MED12L: variants seen among roughly 807,000 people sequenced by gnomAD.
MED12L encodes mediator complex subunit 12L.
A neutral mutation model predicts 281.3 loss-of-function variants in MED12L; 60 were observed. The ratio of observed to expected loss-of-function variants is 0.21; its 90% CI spans 0.17 to 0.26. The LOEUF is 0.26. MED12L is among the 10% of genes least tolerant of loss of function. MED12L has a pLI of 1.00. For synonymous variants in MED12L, 974 were observed against 987.2 expected, an observed-to-expected ratio of 0.99 and a Z score of 0.25; for missense variants, 2,146 against 2,680.9, an observed-to-expected ratio of 0.80 and a Z score of 4.41.
At chr3:151,293,604 CA>C in intron 16 of MED12L, among the ~76,000 whole-genome samples, 2 of 81,958 alleles carry the variant, frequency 2.4e-5, no homozygotes, top group African/African-American at 7.3e-5. Flanking sequence ...CACACACACA[CA>C]CACACACACA....
At chr3:151,117,856 C>T (rs554242431) in intron 3 of MED12L, among the ~76,000 whole-genome samples, 4 of 151,878 alleles carry the variant, frequency 2.6e-5, no homozygotes, top group South Asian at 4.2e-4. Context: ...TTGGGGAGGC[C>T]GAGGCAGGAG....
In MED12L at chr3:151,417,487, C is replaced by CTT. The variant is rs56128844; in HGVS notation, c.6408+1083_6408+1084dup. 8.4e-3 allele frequency among the ~76,000 whole-genome samples: 660 copies of CTT among 78,806 alleles called. 17 individuals carry two copies. Among genetic ancestry groups the CTT allele is most frequent in the African/African-American group, 0.013 (254 of 19,846 alleles). 51.7% of individuals were successfully genotyped at this position (78,806 alleles called of 152,430 possible). A position where few individuals can be genotyped will look rare whatever the true frequency, so the allele number is the denominator to read the frequency against. On this transcript the variant is annotated intron_variant, in intron 43 of 44. Coordinates refer to ENST00000687756, the MANE Select transcript of MED12L (RefSeq NM_001393769.1). ...TCCGCTCCCCCAGCTCCCCCCCCGC[C>CTT]TTTTTTTTTTTTTTTTTTTGAGACG...
intron 43 of MED12L, among the ~76,000 whole-genome samples, chr3:151,429,263 A>G (rs1049286882): frequency 5.3e-5 from 8 of 152,204 alleles, no homozygotes; most frequent in Admixed American, 2.6e-4. Context: ...CCTATGCTCC[A>G]GTCTCCTGGG....
intron 16 of MED12L, chr3:151,294,290 C>G: frequency 6.2e-7 from 1 of 1,613,982 alleles, no homozygotes; most frequent in Non-Finnish European, 8.5e-7. Context: ...TGAAAATGAC[C>G]TACACATGAA....
At chr3:151,420,190 C>T (rs1560146919) in intron 43 of MED12L, among the ~76,000 whole-genome samples, 1 of 152,094 alleles carries the variant, frequency 6.6e-6, no homozygotes, top group Non-Finnish European at 1.5e-5. Flanking sequence ...TAATGGATCT[C>T]GTGTATTCCA....
chr3:151,272,189 G>A (rs1741075176), intron 16 of MED12L, among the ~76,000 whole-genome samples: 1 of 152,210 alleles, frequency 6.6e-6, no homozygotes, highest in South Asian at 2.1e-4. Flanking sequence ...AGGCTTTCTG[G>A]ACAATAGATG....
chr3:151,417,487 C>CTCTTTT (rs1717742249), intron 43 of MED12L, among the ~76,000 whole-genome samples: 1 of 78,818 alleles, frequency 1.3e-5, no homozygotes, highest in African/African-American at 5.0e-5. Flanking sequence ...CCCCCCCCGC[C>CTCTTTT]TTTTTTTTTT....
chr3:151,361,223 GTTTACT>G (rs1246085687), intron 21 of MED12L, among the ~76,000 whole-genome samples: 1 of 152,004 alleles, frequency 6.6e-6, no homozygotes, highest in Non-Finnish European at 1.5e-5. Context: ...TTCAGACTGT[GTTTACT>G]TTTCCTCTTT....
intron 18 of MED12L, 55 bp downstream of exon 18, chr3:151,355,294 ATTT>A (rs1753770453): frequency 8.0e-7 from 1 of 1,250,986 alleles, no homozygotes; most frequent in African/African-American, 1.5e-5. Context: ...TTACTTAAAA[ATTT>A]TTTTCATGCA....
At chr3:151,229,938 C>T (rs1305432579) in intron 16 of MED12L, among the ~76,000 whole-genome samples, 4 of 151,928 alleles carry the variant, frequency 2.6e-5, no homozygotes, top group Non-Finnish European at 5.9e-5. Flanking sequence ...TTTTATGAGT[C>T]CTAGGCTCAC....
At chr3:151,187,354 C>G (rs1388002464) in intron 12 of MED12L, among the ~76,000 whole-genome samples, 1 of 152,110 alleles carries the variant, frequency 6.6e-6, no homozygotes. Flanking sequence ...CATACACATT[C>G]CACTTTTAGA....
intron 18 of MED12L, 33 bp downstream of exon 18, chr3:151,355,272 C>T (rs1237072433): frequency 2.7e-6 from 4 of 1,464,098 alleles, no homozygotes; most frequent in Non-Finnish European, 3.8e-6. Flanking sequence ...TATGCATTTG[C>T]AGTATTCTAA....
At chr3:151,376,968 A>G (rs1756931976) in intron 29 of MED12L, 23 bp from the exon 30 acceptor site, 1 of 1,611,694 alleles carries the variant, frequency 6.2e-7, no homozygotes, top group Admixed American at 1.7e-5. Context: ...CATATGTGCC[A>G]GTATTCTTAT....
intron 16 of MED12L, among the ~76,000 whole-genome samples, chr3:151,276,478 C>T (rs527929390): frequency 1.3e-5 from 2 of 152,304 alleles, no homozygotes; most frequent in African/African-American, 4.8e-5. Flanking sequence ...GTCAGCCTAC[C>T]TCCTGGACTG....
At chr3:151,209,511 G>A (rs1190953921) in intron 16 of MED12L, among the ~76,000 whole-genome samples, 2 of 152,018 alleles carry the variant, frequency 1.3e-5, no homozygotes, top group East Asian at 3.8e-4. Context: ...AGAGTCTTGT[G>A]GAAAATAGTG....
At chr3:151,252,509 G>T (rs1737047515) in intron 16 of MED12L, among the ~76,000 whole-genome samples, 1 of 152,060 alleles carries the variant, frequency 6.6e-6, no homozygotes, top group Non-Finnish European at 1.5e-5. Context: ...TTTGGCACCT[G>T]ACATTTTTAT....
chr3:151,435,691 G>A lies in MED12L; in HGVS notation c.*2887G>A, dbSNP rs1193506092. ...ATTACACTGGAAAACCCCACCCCTAGATTTAGATAAGATCAATCATTTAAT... is the reference window on the plus strand; with the variant it reads ...ATTACACTGGAAAACCCCACCCCTAAATTTAGATAAGATCAATCATTTAAT... On this transcript the variant is annotated 3_prime_UTR_variant, in exon 45 of 45. Transcript: ENST00000687756. 3 of 152,090 alleles carry A rather than the reference G, an allele frequency of 2.0e-5. No homozygotes were observed. The highest frequency in any genetic ancestry group is 3.8e-4 in the East Asian group (2 of 5,198). The allele number at this position is 152,090 out of a possible 1,614,324, so 9.4% of individuals were successfully genotyped here.
At chr3:151,213,560 T>C (rs868480435) in intron 16 of MED12L, 1 of 1,614,118 alleles carries the variant, frequency 6.2e-7, no homozygotes, top group African/African-American at 1.3e-5. Context: ...TAGGGGATTC[T>C]GGCAATATGG....
chr3:151,347,565 T>C (rs1054843121), intron 16 of MED12L, among the ~76,000 whole-genome samples: 11 of 152,156 alleles, frequency 7.2e-5, no homozygotes, highest in African/African-American at 2.7e-4. Flanking sequence ...GTACATAGCA[T>C]TTCAGCAAGT....
Sources: gnomAD v4.1 joint callset for allele counts (sites outside exome capture counted in the v4.1 genomes callset) on GRCh38, gnomAD v4.1.1 for gene constraint, MANE v1.5 for transcripts, NCBI Gene and HGNC (gene_info 2026-07-23, HGNC 2026-07-21) for gene names.